Variants in NRG3 observed in about 807,000 individuals in gnomAD.
The protein encoded by NRG3 is pro-neuregulin-3, membrane-bound isoform.
NRG3 carries 31 observed loss-of-function variants against 66.9 expected under a neutral mutation model. The ratio of observed to expected loss-of-function variants is 0.46; its 90% CI spans 0.35 to 0.63. The LOEUF is 0.63. NRG3 is among the 20% of genes least tolerant of loss of function. The probability of loss-of-function intolerance (pLI) is 0.00; values close to 1 mark genes in which losing one functional copy is unlikely to be tolerated. For synonymous variants in NRG3, 393 were observed against 359.4 expected (o/e 1.09, Z -1.06); for missense variants, 910 against 878.9 (o/e 1.04, Z -0.45).
chr10:82,568,551 G>A (rs2045551226), intron 2 of NRG3, among the ~76,000 whole-genome samples: 1 of 151,764 alleles, frequency 6.6e-6, no homozygotes, highest in African/African-American at 2.4e-5. Context: ...ATATTCCATT[G>A]ACCAAAGCAA....
intron 1 of NRG3, among the ~76,000 whole-genome samples, chr10:81,906,541 A>T (rs1322442034): frequency 2.0e-5 from 3 of 152,180 alleles, no homozygotes. Flanking sequence ...CCATGGGAGT[A>T]TGTTTGTCCT....
At chr10:82,181,906 A>G (rs1369829695) in intron 1 of NRG3, among the ~76,000 whole-genome samples, 1 of 151,696 alleles carries the variant, frequency 6.6e-6, no homozygotes, top group East Asian at 1.9e-4. Flanking sequence ...AGTTCTGTCA[A>G]TGTTTGCTTC....
intron 1 of NRG3, among the ~76,000 whole-genome samples, chr10:81,983,146 T>G (rs934558743): frequency 6.6e-6 from 1 of 152,176 alleles, no homozygotes; most frequent in African/African-American, 2.4e-5. Flanking sequence ...CTAAATTGCT[T>G]GTAAATTCAC....
At chr10:82,618,609 G>A (rs2048824366) in intron 2 of NRG3, among the ~76,000 whole-genome samples, 1 of 151,722 alleles carries the variant, frequency 6.6e-6, no homozygotes, top group African/African-American at 2.4e-5. Flanking sequence ...AAACGTTGCA[G>A]AAAAATGAGC....
At chr10:82,955,719 T>G (rs1849978784) in intron 5 of NRG3, among the ~76,000 whole-genome samples, 1 of 151,846 alleles carries the variant, frequency 6.6e-6, no homozygotes. Flanking sequence ...GTAAGAGATT[T>G]TAGATCCCAA....
At chr10:82,722,057 A>C (rs532859799) in intron 2 of NRG3, among the ~76,000 whole-genome samples, 1 of 152,300 alleles carries the variant, frequency 6.6e-6, no homozygotes, top group South Asian at 2.1e-4. Flanking sequence ...ATTCAGAAAA[A>C]TTTGGCATCA....
chr10:82,303,598 G>A (rs2080539912), intron 1 of NRG3, among the ~76,000 whole-genome samples: 1 of 152,140 alleles, frequency 6.6e-6, no homozygotes, highest in African/African-American at 2.4e-5. Flanking sequence ...TGCTGGGCAC[G>A]GTGGCTCACA....
At chr10:82,079,840 T>G (rs2065292628) in intron 1 of NRG3, among the ~76,000 whole-genome samples, 1 of 152,200 alleles carries the variant, frequency 6.6e-6, no homozygotes, top group Non-Finnish European at 1.5e-5. Context: ...TACCACCAGA[T>G]ATAGGTATCC....
intron 2 of NRG3, among the ~76,000 whole-genome samples, chr10:82,701,713 G>T (rs945958865): frequency 1.3e-5 from 2 of 152,126 alleles, no homozygotes; most frequent in Admixed American, 1.3e-4. Context: ...CATTTGTTGA[G>T]CACTTGATGC....
chr10:82,580,938 T>TAC (rs2046324436), intron 2 of NRG3, among the ~76,000 whole-genome samples: 1 of 150,404 alleles, frequency 6.6e-6, no homozygotes, highest in Non-Finnish European at 1.5e-5. Context: ...TGTGTGTGTG[T>TAC]ACATAACTTT....
intron 1 of NRG3, among the ~76,000 whole-genome samples, chr10:82,102,166 A>ATATATATATATG (rs2066803237): frequency 7.5e-6 from 1 of 133,080 alleles, no homozygotes; most frequent in African/African-American, 2.8e-5. Flanking sequence ...ATATATATAT[A>ATATATATATATG]TGAATGTAAT....
At chr10:82,057,306 C>CAGGAGAG (rs1209911933) in intron 1 of NRG3, among the ~76,000 whole-genome samples, 9 of 39,130 alleles carry the variant, frequency 2.3e-4, no homozygotes, top group Non-Finnish European at 8.9e-4. Flanking sequence ...TTCTTTTTTC[C>CAGGAGAG]TAACTCCTAC....
chr10:82,953,139 G>A (rs1224728501), intron 5 of NRG3, among the ~76,000 whole-genome samples: 1 of 151,806 alleles, frequency 6.6e-6, no homozygotes, highest in Non-Finnish European at 1.5e-5. Context: ...CATCTCCTAG[G>A]CAACTCTTGG....
At chr10:82,644,130 T>C (rs1345231497) in intron 2 of NRG3, among the ~76,000 whole-genome samples, 1 of 152,246 alleles carries the variant, frequency 6.6e-6, no homozygotes, top group Non-Finnish European at 1.5e-5. Context: ...AGAAGAGCTT[T>C]TCTTGAGGGT....
At chr10:82,479,716 C>T (rs919586537) in intron 2 of NRG3, among the ~76,000 whole-genome samples, 1 of 151,244 alleles carries the variant, frequency 6.6e-6, no homozygotes, top group African/African-American at 2.4e-5. Context: ...GCCTGTAATC[C>T]CAGCACGTTG....
At chr10:82,098,477 G>T (rs2066516274) in intron 1 of NRG3, among the ~76,000 whole-genome samples, 1 of 152,122 alleles carries the variant, frequency 6.6e-6, no homozygotes. Flanking sequence ...TTGGGGTGGT[G>T]TAGTGAGAAT....
At chr10:82,357,019 C>G (rs2083827981) in intron 1 of NRG3, among the ~76,000 whole-genome samples, 1 of 152,104 alleles carries the variant, frequency 6.6e-6, no homozygotes, top group African/African-American at 2.4e-5. Context: ...GGATTACTTG[C>G]AGTGTTGAAT....
At chr10:82,378,760 G>A (rs1011980165) in intron 2 of NRG3, among the ~76,000 whole-genome samples, 5 of 151,792 alleles carry the variant, frequency 3.3e-5, no homozygotes, top group South Asian at 4.2e-4. Context: ...TTATAGAGAC[G>A]GGGTTTCATC....
chr10:82,829,697 G>A (rs769294941), intron 3 of NRG3, among the ~76,000 whole-genome samples: 1 of 152,152 alleles, frequency 6.6e-6, no homozygotes, highest in Non-Finnish European at 1.5e-5. Flanking sequence ...GGAGCCTGGG[G>A]AGTAACCTAG....
Sources: allele counts gnomAD v4.1 joint callset (sites outside exome capture counted in the v4.1 genomes callset), GRCh38; gene constraint gnomAD v4.1.1; transcripts MANE v1.5; gene names NCBI Gene and HGNC (gene_info 2026-07-23, HGNC 2026-07-21).